The following SPATA31D3 variants were observed in gnomAD, a reference collection of about 807,000 sequenced individuals.
SPATA31D3 encodes SPATA31 subfamily D member 3.
For synonymous variants in SPATA31D3, 27 were observed against 107.8 expected, an observed-to-expected ratio of 0.25 and a Z score of 4.65; for missense variants, 91 against 297.9, an observed-to-expected ratio of 0.31 and a Z score of 5.11.
chr9:81,950,002 G>C lies in SPATA31D3; in HGVS notation c.*1995G>C. 2.8e-6 allele frequency: 1 copy of C among 355,444 alleles called. No individual in the cohort carries two copies. Among genetic ancestry groups the C allele is most frequent in the Non-Finnish European group, 5.2e-6 (1 of 193,842 alleles). 22.0% of individuals were successfully genotyped at this position (355,444 alleles called of 1,614,324 possible). Reference sequence around the variant, plus strand: ...TAACTGGACAGAAAATACTTCCAAAGCATTTGCAGGGAGGAAAATTTCCCC... The same window carrying C: ...TAACTGGACAGAAAATACTTCCAAACCATTTGCAGGGAGGAAAATTTCCCC... On this transcript the variant is annotated 3_prime_UTR_variant, in exon 4 of 4. Transcript: ENST00000445385.
Position 81,950,031 on chromosome 9 carries a change from A to C in SPATA31D3, c.*2024A>C, listed in dbSNP as rs747269086. The C allele has an allele frequency of 5.2e-5, 17 of 324,604 alleles. No individual in the cohort carries two copies. The highest frequency in any genetic ancestry group is 7.0e-4 in the Middle Eastern group (1 of 1,426). The allele number at this position is 324,604 out of a possible 1,614,324, so 20.1% of individuals were successfully genotyped here. A position where few individuals can be genotyped will look rare whatever the true frequency, so the allele number is the denominator to read the frequency against. ...TTGCAGGGAGGAAAATTTCCCCCCA[A>C]AAAATAATTAACTCCTTGTTGAGAA... On this transcript the variant is annotated 3_prime_UTR_variant, in exon 4 of 4. Transcript: ENST00000445385.
Position 81,949,851 on chromosome 9 carries a change from C to T in SPATA31D3, c.*1844C>T, listed in dbSNP as rs754219460. ...GGGGAAGATATTGTGTCAAAGGCAT[C>T]CCCAATCCATGCCCCACAGGAAGCC... is the stretch of plus-strand genomic sequence containing the variant. On this transcript the variant is annotated 3_prime_UTR_variant, in exon 4 of 4. Coordinates refer to ENST00000445385, the MANE Select transcript of SPATA31D3 (RefSeq NM_207416.3). 1.7e-4 allele frequency: 156 copies of T among 937,354 alleles called. No homozygotes were observed. The highest frequency in any genetic ancestry group is 2.6e-4 in the Non-Finnish European group (152 of 595,178). 58.1% of individuals were successfully genotyped at this position (937,354 alleles called of 1,614,324 possible).
chr9:81,949,303 G>T lies in SPATA31D3; in HGVS notation c.*1296G>T. The T allele has an allele frequency of 8.2e-6, 3 of 366,836 alleles. No individual in the cohort carries two copies. Among genetic ancestry groups the T allele is most frequent in the Non-Finnish European group, 1.6e-5 (3 of 188,654 alleles). 22.7% of individuals were successfully genotyped at this position (366,836 alleles called of 1,614,324 possible). Reference sequence around the variant, plus strand: ...TAACAAGACATCAAGGGAGTCGCTTGGGAGCAAATCTTCCCCAACCTTGAA... The same window carrying T: ...TAACAAGACATCAAGGGAGTCGCTTTGGAGCAAATCTTCCCCAACCTTGAA... On this transcript the variant is annotated 3_prime_UTR_variant, in exon 4 of 4. Coordinates refer to ENST00000445385, the MANE Select transcript of SPATA31D3 (RefSeq NM_207416.3).
At chr9:81,945,270 C>CTTTTTTTTTTTTTTTTTTTTTTTT in intron 3 of SPATA31D3, 38 bp downstream of exon 3, 1 of 192,498 alleles carries the variant, frequency 5.2e-6, no homozygotes, top group Admixed American at 1.5e-4. Context: ...TTCCCACCGC[C>CTTTTTTTTTTTTTTTTTTTTTTTT]TTCTTTTTTT....
chr9:81,947,905 T>C lies in SPATA31D3; in HGVS notation c.2652T>C (p.Asp884=). ...AALVSEDHRV[D]TSQEMSFLSS... ...TGGTGAGTGAGGACCACCGCGTTGA[T>C]ACCTCCCAGGAGATGTCCTTCCTTA... Residue 884 remains aspartate, a synonymous_variant, in exon 4 of 4, where the codon GAT becomes GAC. Coordinates refer to ENST00000445385, the MANE Select transcript of SPATA31D3 (RefSeq NM_207416.3). 2 of 1,612,090 alleles carry C rather than the reference T, an allele frequency of 1.2e-6. No homozygotes were observed. Among genetic ancestry groups the C allele is most frequent in the South Asian group, 1.1e-5 (1 of 90,814 alleles).
rs1823974610 is a variant in SPATA31D3 at position 81,949,398 on chromosome 9, C to T, written c.*1391C>T. The T allele has an allele frequency of 5.4e-6, 2 of 367,772 alleles. No individual in the cohort carries two copies. Among genetic ancestry groups the T allele is most frequent in the Non-Finnish European group, 1.1e-5 (2 of 186,240 alleles). The allele number at this position is 367,772 out of a possible 1,614,324, so 22.8% of individuals were successfully genotyped here. The stretch of plus-strand genomic sequence containing the variant: ...CCTTTTTGCAGCAGTCTAATAAACC[C>T]ATCATAACATATGGAAAACAAGAAA... On this transcript the variant is annotated 3_prime_UTR_variant, in exon 4 of 4. Transcript: ENST00000445385.
At chr9:81,945,367 G>GAGTGGGTA (rs1823879736) in intron 3 of SPATA31D3, 135 bp downstream of exon 3, 1 of 324,664 alleles carries the variant, frequency 3.1e-6, no homozygotes, top group East Asian at 6.5e-5. Context: ...GTAGTTTTGG[G>GAGTGGGTA]AGTGGGTAGC....
Position 81,949,658 on chromosome 9 carries a change from G to T in SPATA31D3, c.*1651G>T. On this transcript the variant is annotated 3_prime_UTR_variant, in exon 4 of 4. Coordinates refer to ENST00000445385, the MANE Select transcript of SPATA31D3 (RefSeq NM_207416.3). ...CAGAATGTGCCAGAACTGCAGGTCA[G>T]AGCAGAGCCTGTCCAGGGCTATCCC... 3 of 1,068,068 alleles carry T rather than the reference G, an allele frequency of 2.8e-6. No homozygotes were observed. The highest frequency in any genetic ancestry group is 3.5e-5 in the Admixed American group (2 of 57,184). 66.2% of individuals were successfully genotyped at this position (1,068,068 alleles called of 1,614,324 possible). A position where few individuals can be genotyped will look rare whatever the true frequency, so the allele number is the denominator to read the frequency against.
intron 3 of SPATA31D3, 41 bp downstream of exon 3, chr9:81,945,273 CTTTTT>C (rs769927001): frequency 4.7e-4 from 43 of 92,120 alleles, no homozygotes; most frequent in African/African-American, 1.8e-3. Flanking sequence ...CCACCGCCTT[CTTTTT>C]TTTTTTTTTT....
rs912641174 is a variant in SPATA31D3 at position 81,949,535 on chromosome 9, C to G, written c.*1528C>G. ...GAAGCTCAGAAAATTAGGAAAGACACTGGGGAGTTCATAGAAGAGAAGCTG... is the reference window on the plus strand; with the variant it reads ...GAAGCTCAGAAAATTAGGAAAGACAGTGGGGAGTTCATAGAAGAGAAGCTG... On this transcript the variant is annotated 3_prime_UTR_variant, in exon 4 of 4. Transcript: ENST00000445385. 8 of 577,514 alleles carry G rather than the reference C, an allele frequency of 1.4e-5. No homozygotes were observed. Among genetic ancestry groups the G allele is most frequent in the East Asian group, 3.3e-5 (1 of 30,398 alleles). 35.8% of individuals were successfully genotyped at this position (577,514 alleles called of 1,614,324 possible).
chr9:81,949,886 GC>G lies in SPATA31D3; in HGVS notation c.*1881del, dbSNP rs936380452. The G allele has an allele frequency of 3.6e-5, 27 of 740,640 alleles. No individual in the cohort carries two copies. The African/African-American group carries it at 3.7e-4, about 10-fold the overall frequency. 45.9% of individuals were successfully genotyped at this position (740,640 alleles called of 1,614,324 possible). A position where few individuals can be genotyped will look rare whatever the true frequency, so the allele number is the denominator to read the frequency against. ...TGCCCCACAGGAAGCCTGTGCCACA[GC>G]CAAACCCCACTTGCAGTGTGAAGTC... On this transcript the variant is annotated 3_prime_UTR_variant, in exon 4 of 4. Transcript: ENST00000445385.
Position 81,948,088 on chromosome 9 carries a change from T to C in SPATA31D3, c.*81T>C. 1 of 1,541,308 alleles carries C rather than the reference T, an allele frequency of 6.5e-7. No individual in the cohort carries two copies. ...AGAAGAGGATATTTCCAATTCCTTTTCCCATTTCTACCTTCCCTCCTCAGC... is the reference window on the plus strand; with the variant it reads ...AGAAGAGGATATTTCCAATTCCTTTCCCCATTTCTACCTTCCCTCCTCAGC... On this transcript the variant is annotated 3_prime_UTR_variant, in exon 4 of 4. Transcript: ENST00000445385.
rs376706713 is a variant in SPATA31D3, at chr9:81,949,350, C to G, written c.*1343C>G. 2 of 357,836 alleles carry G rather than the reference C, an allele frequency of 5.6e-6. No homozygotes were observed. Among genetic ancestry groups the G allele is most frequent in the Middle Eastern group, 3.7e-4 (1 of 2,686 alleles). 22.2% of individuals were successfully genotyped at this position (357,836 alleles called of 1,614,324 possible). A position where few individuals can be genotyped will look rare whatever the true frequency, so the allele number is the denominator to read the frequency against. On this transcript the variant is annotated 3_prime_UTR_variant, in exon 4 of 4. Coordinates refer to ENST00000445385, the MANE Select transcript of SPATA31D3 (RefSeq NM_207416.3). ...TGAAAACACAGCCTCCTCCTGAAAA[C>G]CTTTTCGGAACATTGATGAAGACCT...
Position 81,949,742 on chromosome 9 carries a change from C to T in SPATA31D3, c.*1735C>T, listed in dbSNP as rs763976966. The stretch of plus-strand genomic sequence containing the variant: ...TGTACCAAATCTTGCAGCCAACAAG[C>T]TATCTTTGTCGGCCAGAATTATCCT... On this transcript the variant is annotated 3_prime_UTR_variant, in exon 4 of 4. Transcript: ENST00000445385. 1.8e-4 allele frequency: 259 copies of T among 1,407,226 alleles called. 1 individual carries two copies. Among genetic ancestry groups the T allele is most frequent in the Admixed American group, 3.4e-5 (2 of 59,154 alleles). 87.2% of individuals were successfully genotyped at this position (1,407,226 alleles called of 1,614,324 possible).
In SPATA31D3 at chr9:81,949,663, G is replaced by C; in HGVS notation, c.*1656G>C. On this transcript the variant is annotated 3_prime_UTR_variant, in exon 4 of 4. Coordinates refer to ENST00000445385, the MANE Select transcript of SPATA31D3 (RefSeq NM_207416.3). ...TGTGCCAGAACTGCAGGTCAGAGCA[G>C]AGCCTGTCCAGGGCTATCCCTGCAA... The C allele has an allele frequency of 9.0e-7, 1 of 1,108,610 alleles. No individual in the cohort carries two copies. The allele number at this position is 1,108,610 out of a possible 1,614,324, so 68.7% of individuals were successfully genotyped here.
rs1475501393 is a variant in SPATA31D3, at chr9:81,949,443, C to T, written c.*1436C>T. The T allele has an allele frequency of 1.0e-5, 4 of 397,312 alleles. No individual in the cohort carries two copies. Among genetic ancestry groups the T allele is most frequent in the Non-Finnish European group, 2.0e-5 (4 of 204,466 alleles). 24.6% of individuals were successfully genotyped at this position (397,312 alleles called of 1,614,324 possible). A position where few individuals can be genotyped will look rare whatever the true frequency, so the allele number is the denominator to read the frequency against. ...AAGAAAGTTCCTAGGAAAAGGGTAGCTCCTTGTCATCATCTGTGCAGAATA... is the reference window on the plus strand; with the variant it reads ...AAGAAAGTTCCTAGGAAAAGGGTAGTTCCTTGTCATCATCTGTGCAGAATA... On this transcript the variant is annotated 3_prime_UTR_variant, in exon 4 of 4. Coordinates refer to ENST00000445385, the MANE Select transcript of SPATA31D3 (RefSeq NM_207416.3).
chr9:81,949,579 G>T lies in SPATA31D3; in HGVS notation c.*1572G>T, dbSNP rs940354682. Reference sequence around the variant, plus strand: ...GAAGCTGGGGCATAGACATTGAATAGATATCACCTGTCCCCAGGAGCCCCT... The same window carrying T: ...GAAGCTGGGGCATAGACATTGAATATATATCACCTGTCCCCAGGAGCCCCT... On this transcript the variant is annotated 3_prime_UTR_variant, in exon 4 of 4. Transcript: ENST00000445385. 6.3e-6 allele frequency: 4 copies of T among 634,234 alleles called. No individual in the cohort carries two copies. The highest frequency in any genetic ancestry group is 5.5e-5 in the African/African-American group (3 of 54,842). The allele number at this position is 634,234 out of a possible 1,614,324, so 39.3% of individuals were successfully genotyped here.
In SPATA31D3 at chr9:81,949,561, G is replaced by T. The variant is rs150734298; in HGVS notation, c.*1554G>T. The T allele has an allele frequency of 7.3e-4, 444 of 605,906 alleles. 1 individual carries two copies. Among genetic ancestry groups the T allele is most frequent in the African/African-American group, 6.5e-3 (352 of 54,058 alleles). The allele number at this position is 605,906 out of a possible 1,614,324, so 37.5% of individuals were successfully genotyped here. On this transcript the variant is annotated 3_prime_UTR_variant, in exon 4 of 4. Transcript: ENST00000445385. ...TGGGGAGTTCATAGAAGAGAAGCTG[G>T]GGCATAGACATTGAATAGATATCAC... is the stretch of plus-strand genomic sequence containing the variant.
rs1037510534 is a variant in SPATA31D3, at chr9:81,950,078, G to A, written c.*2071G>A. The A allele has an allele frequency of 1.2e-5, 3 of 254,342 alleles. No individual in the cohort carries two copies. The highest frequency in any genetic ancestry group is 5.0e-5 in the Admixed American group (1 of 20,146). The allele number at this position is 254,342 out of a possible 1,614,324, so 15.8% of individuals were successfully genotyped here. On this transcript the variant is annotated 3_prime_UTR_variant, in exon 4 of 4. Transcript: ENST00000445385. Reference sequence around the variant, plus strand: ...AGAATCTTGACTCTCCCCAATAAACGTTCTAATAAGAATAAGAAGGATGTC... The same window carrying A: ...AGAATCTTGACTCTCCCCAATAAACATTCTAATAAGAATAAGAAGGATGTC...
Sources: allele counts gnomAD v4.1 joint callset, GRCh38; gene constraint gnomAD v4.1.1; transcripts MANE v1.5; gene names NCBI Gene and HGNC (gene_info 2026-07-23, HGNC 2026-07-21).